Variants in POC1A observed in about 807,000 individuals in gnomAD.
The protein encoded by POC1A is POC1 centriolar protein homolog A.
A neutral mutation model predicts 47.8 loss-of-function variants in POC1A; 34 were observed. The ratio of observed to expected loss-of-function variants is 0.71; its 90% CI spans 0.54 to 0.95. The LOEUF (loss-of-function observed/expected upper bound fraction) is 0.95. Among genes scored for constraint, POC1A ranks in the 40% least tolerant of loss-of-function variants. POC1A has a pLI of 0.00. For synonymous variants in POC1A, 177 were observed against 207.6 expected, an observed-to-expected ratio of 0.85 and a Z score of 1.27; for missense variants, 466 against 528.3, an observed-to-expected ratio of 0.88 and a Z score of 1.16.
chr3:52,134,105 C>T (rs998995648), intron 7 of POC1A, among the ~76,000 whole-genome samples: 1 of 152,138 alleles, frequency 6.6e-6, no homozygotes, highest in Non-Finnish European at 1.5e-5. Flanking sequence ...TGGTACCCTA[C>T]CTAGACCTGT....
chr3:52,129,452 G>A (rs1704131000), intron 7 of POC1A, among the ~76,000 whole-genome samples: 1 of 152,146 alleles, frequency 6.6e-6, no homozygotes, highest in African/African-American at 2.4e-5. Flanking sequence ...TCCACTTGGG[G>A]CAGGGATATT....
At chr3:52,140,143 C>A (rs1698141561) in intron 6 of POC1A, among the ~76,000 whole-genome samples, 1 of 152,236 alleles carries the variant, frequency 6.6e-6, no homozygotes, top group Non-Finnish European at 1.5e-5. Context: ...CCACAGGGTG[C>A]ACGCAGTCCC....
chr3:52,153,668 C>A (rs1348772051), intron 1 of POC1A, among the ~76,000 whole-genome samples: 1 of 152,250 alleles, frequency 6.6e-6, no homozygotes, highest in Non-Finnish European at 1.5e-5. Context: ...TAGTTCCCTG[C>A]ATGTGGGCCT....
chr3:52,147,189 C>G lies in POC1A; in HGVS notation c.456-94G>C. The G allele has an allele frequency of 3.0e-6, 3 of 996,316 alleles. No individual in the cohort carries two copies. In the South Asian group the frequency reaches 4.1e-5, roughly 13 times the overall value. 61.7% of individuals were successfully genotyped at this position (996,316 alleles called of 1,614,324 possible). The stretch of plus-strand genomic sequence containing the variant: ...ACAGCCACTCTTCCCCGAGTGCCTA[C>G]TATCTGCCTGCAGGAACCACCCGGG... On this transcript the variant is annotated intron_variant, in intron 4 of 10. Transcript: ENST00000296484.
At chr3:52,127,832 G>A (rs890827565) in intron 7 of POC1A, among the ~76,000 whole-genome samples, 8 of 151,884 alleles carry the variant, frequency 5.3e-5, no homozygotes, top group African/African-American at 1.9e-4. Context: ...AGTAGCTGAG[G>A]TTGCAGGCAC....
At position 52,096,720 on chromosome 3, in the gene POC1A, C is replaced by A. The variant is rs1365096545; in HGVS notation, c.982-8G>T. The stretch of plus-strand genomic sequence containing the variant: ...AGGGAAGTCCACTTCTGGCTAAAGA[C>A]AGAAAGAAAAAAGTTCCTCAGTCTA... On this transcript the variant is annotated splice_region_variant and splice_polypyrimidine_tract_variant and intron_variant, in intron 9 of 10. Coordinates refer to ENST00000296484, the MANE Select transcript of POC1A (RefSeq NM_015426.5). 7.7e-6 allele frequency: 12 copies of A among 1,566,818 alleles called. No homozygotes were observed. Among genetic ancestry groups the A allele is most frequent in the African/African-American group, 4.2e-5 (3 of 72,036 alleles).
intron 6 of POC1A, among the ~76,000 whole-genome samples, chr3:52,138,934 A>G (rs1261362354): frequency 6.6e-6 from 1 of 152,144 alleles, no homozygotes; most frequent in African/African-American, 2.4e-5. Context: ...CCTGGGTTCA[A>G]GAGATTCTCC....
At chr3:52,089,585 T>C (rs1702577840) in intron 10 of POC1A, among the ~76,000 whole-genome samples, 1 of 152,066 alleles carries the variant, frequency 6.6e-6, no homozygotes, top group Non-Finnish European at 1.5e-5. Flanking sequence ...AGGGGGCCCA[T>C]TTTTGCAGAA....
chr3:52,096,942 A>T (rs1010691754), intron 9 of POC1A, among the ~76,000 whole-genome samples: 2 of 152,176 alleles, frequency 1.3e-5, no homozygotes, highest in African/African-American at 4.8e-5. Context: ...ATGCCTTGTG[A>T]TCCAGGCAGG....
chr3:52,150,147 G>A (rs989483888), intron 2 of POC1A, among the ~76,000 whole-genome samples, 160 bp from the exon 3 acceptor site: 18 of 152,196 alleles, frequency 1.2e-4, no homozygotes, highest in Non-Finnish European at 2.5e-4. Context: ...CACATCTCGA[G>A]GTATGGTCTG....
rs909381986 is a variant in POC1A, at chr3:52,149,157, A to C, written c.455+53T>G. 69 of 1,552,224 alleles carry C rather than the reference A, an allele frequency of 4.4e-5. No individual in the cohort carries two copies. The Middle Eastern group carries it at 9.2e-4, about 21-fold the overall frequency. On this transcript the variant is annotated intron_variant, in intron 4 of 10. Coordinates refer to ENST00000296484, the MANE Select transcript of POC1A (RefSeq NM_015426.5). ...GTTGGTACCTAGCAGCCCCTGGGCC[A>C]GCCCCCAACCCCCAGGGTTCCTCCA...
rs751748215 is a variant in POC1A at position 52,138,219 on chromosome 3, T to C, written c.763A>G (p.Ile255Val). 6.2e-7 allele frequency: 1 copy of C among 1,613,952 alleles called. No homozygotes were observed. The highest frequency in any genetic ancestry group is 8.5e-7 in the Non-Finnish European group (1 of 1,179,944). Residue 255 changes from isoleucine to valine, a missense_variant, in exon 7 of 11, where the codon ATC becomes GTC. Physicochemically the swap from Ile to Val is conservative, Grantham distance 29. Coordinates refer to ENST00000296484, the MANE Select transcript of POC1A (RefSeq NM_015426.5). ...AGCCGGCCCTCCATCAGGTCCAGGATCTTCAGGGTTGAGTCACTGGAGGCT... is the reference window on the plus strand; with the variant it reads ...AGCCGGCCCTCCATCAGGTCCAGGACCTTCAGGGTTGAGTCACTGGAGGCT... ...ITASSDSTLK[I>V]LDLMEGRLLY...
intron 7 of POC1A, among the ~76,000 whole-genome samples, chr3:52,129,265 C>T (rs1306320151): frequency 1.3e-5 from 2 of 152,096 alleles, no homozygotes; most frequent in African/African-American, 2.4e-5. Context: ...GGCGACAGAG[C>T]GAGACTCTGT....
intron 2 of POC1A, among the ~76,000 whole-genome samples, chr3:52,150,298 C>A (rs572428978): frequency 1.8e-4 from 28 of 152,326 alleles, no homozygotes; most frequent in African/African-American, 4.8e-4. Flanking sequence ...GGTCTCCCCC[C>A]AGACACATCC....
At chr3:52,125,762 A>C (rs1357577697) in intron 7 of POC1A, among the ~76,000 whole-genome samples, 3 of 152,182 alleles carry the variant, frequency 2.0e-5, no homozygotes, top group Non-Finnish European at 4.4e-5. Flanking sequence ...TCTAATGTGC[A>C]TTCACTTTTC....
In POC1A at chr3:52,138,255, A is replaced by G; in HGVS notation, c.727T>C (p.Tyr243His). ...GAGTCACTGGAGGCTGTGATCAGGT[A>G]GTTTCCCGACGGGTGGAAAGAGAGC... ...NGLSFHPSGN[Y>H]LITASSDSTL... The change falls in exon 7 of 11, where the codon TAC becomes CAC. Residue 243 changes from tyrosine (Y) to histidine (H), a missense_variant. Coordinates refer to ENST00000296484, the MANE Select transcript of POC1A (RefSeq NM_015426.5). 6.2e-7 allele frequency: 1 copy of G among 1,614,154 alleles called. No individual in the cohort carries two copies. The highest frequency in any genetic ancestry group is 1.6e-4 in the Middle Eastern group (1 of 6,062).
intron 5 of POC1A, 66 bp from the exon 6 acceptor site, chr3:52,146,027 A>C: frequency 1.1e-6 from 1 of 936,766 alleles, no homozygotes; most frequent in Non-Finnish European, 1.7e-6. Flanking sequence ...ACCCAGAAAC[A>C]TTTGGTGCTT....
At chr3:52,108,558 C>T (rs1233889533) in intron 9 of POC1A, among the ~76,000 whole-genome samples, 1 of 152,204 alleles carries the variant, frequency 6.6e-6, no homozygotes, top group African/African-American at 2.4e-5. Flanking sequence ...CCACCGACCA[C>T]ACCCCAGGCA....
chr3:52,147,013 C>T lies in POC1A; in HGVS notation c.538G>A (p.Val180Ile). 1.2e-6 allele frequency: 2 copies of T among 1,614,146 alleles called. No individual in the cohort carries two copies. Among genetic ancestry groups the T allele is most frequent in the South Asian group, 1.1e-5 (1 of 91,088 alleles). The change falls in exon 5 of 11, where the codon GTC (valine) becomes ATC (isoleucine). Residue 180 changes from valine to isoleucine, a missense_variant. Physicochemically the swap from Val to Ile is conservative, Grantham distance 29. Transcript: ENST00000296484. ...KLWDKSSREC[V>I]HSYCEHGGFV... is the part of the protein sequence containing the mutation. ...CCGCCATGCTCACAATACGAGTGGA[C>T]ACATTCCCGGCTGCTCTTGTCCCAC...
Sources: allele counts gnomAD v4.1 joint callset (sites outside exome capture counted in the v4.1 genomes callset), GRCh38; gene constraint gnomAD v4.1.1; transcripts MANE v1.5; gene names NCBI Gene and HGNC (gene_info 2026-07-23, HGNC 2026-07-21).